TMTC1: variants seen among roughly 807,000 people sequenced by gnomAD.
TMTC1 encodes protein O-mannosyl-transferase TMTC1.
A neutral mutation model predicts 104.8 loss-of-function variants in TMTC1; 73 were observed. The observed-to-expected ratio is 0.70, with a 90% confidence interval of 0.58 to 0.85. TMTC1 has a LOEUF of 0.85. TMTC1 is among the 40% of genes least tolerant of loss of function. The probability of loss-of-function intolerance (pLI) is 0.00; values close to 1 mark genes in which losing one functional copy is unlikely to be tolerated. For missense variants in TMTC1, 1,035 were observed against 1,096.1 expected, an observed-to-expected ratio of 0.94 and a Z score of 0.79; for synonymous variants, 434 against 428.7, an observed-to-expected ratio of 1.01 and a Z score of -0.15.
At chr12:29,687,909 C>A (rs1338876188) in intron 5 of TMTC1, among the ~76,000 whole-genome samples, 1 of 152,206 alleles carries the variant, frequency 6.6e-6, no homozygotes, top group Non-Finnish European at 1.5e-5. Flanking sequence ...CCCACCCTTA[C>A]AACTTCACTT....
At chr12:29,737,075 G>T (rs184208624) in intron 5 of TMTC1, among the ~76,000 whole-genome samples, 14 of 152,380 alleles carry the variant, frequency 9.2e-5, no homozygotes, top group African/African-American at 3.1e-4. Flanking sequence ...CAGATGAAAT[G>T]TGACACGTCG....
intron 5 of TMTC1, among the ~76,000 whole-genome samples, chr12:29,699,944 C>T (rs914616890): frequency 6.6e-6 from 1 of 152,084 alleles, no homozygotes; most frequent in Non-Finnish European, 1.5e-5. Flanking sequence ...GCCTTGCCAT[C>T]ATCTGGTAGC....
intron 5 of TMTC1, among the ~76,000 whole-genome samples, chr12:29,690,138 A>G (rs898253826): frequency 6.6e-6 from 1 of 152,244 alleles, no homozygotes; most frequent in African/African-American, 2.4e-5. Context: ...ACACAAAAAA[A>G]CTGACTCATC....
rs185372525 is a variant in TMTC1 at position 29,666,455 on chromosome 12, G to A, written c.939-33119C>T. 1.3e-4 allele frequency among the ~76,000 whole-genome samples: 19 copies of A among 151,646 alleles called. No individual in the cohort carries two copies. In the East Asian group the frequency reaches 3.3e-3, roughly 26 times the overall value. ...TCACTGTGTTAGCCAGGATGGTCTCGATCTCCTGACCTCGTGATCCACCCG... is the reference window on the plus strand; with the variant it reads ...TCACTGTGTTAGCCAGGATGGTCTCAATCTCCTGACCTCGTGATCCACCCG... On this transcript the variant is annotated intron_variant, in intron 5 of 17. Coordinates refer to ENST00000539277, the MANE Select transcript of TMTC1 (RefSeq NM_001193451.2).
At chr12:29,566,993 G>A (rs1945533733) in intron 9 of TMTC1, among the ~76,000 whole-genome samples, 1 of 152,222 alleles carries the variant, frequency 6.6e-6, no homozygotes, top group African/African-American at 2.4e-5. Flanking sequence ...CAGCCTCAGG[G>A]AGTTGCCTCC....
chr12:29,714,192 T>C (rs1007540843), intron 5 of TMTC1, among the ~76,000 whole-genome samples: 2 of 152,224 alleles, frequency 1.3e-5, no homozygotes, highest in Admixed American at 1.3e-4. Flanking sequence ...GACAATAGTT[T>C]GTCAGCAAAA....
At chr12:29,546,416 G>A (rs148787737) in intron 10 of TMTC1, among the ~76,000 whole-genome samples, 4 of 152,258 alleles carry the variant, frequency 2.6e-5, no homozygotes, top group African/African-American at 9.6e-5. Flanking sequence ...ATGGGAGGGA[G>A]GTTGGCAGAA....
At chr12:29,583,136 T>A (rs1271675427) in intron 8 of TMTC1, among the ~76,000 whole-genome samples, 3 of 152,204 alleles carry the variant, frequency 2.0e-5, no homozygotes, top group African/African-American at 7.2e-5. Context: ...TCATTAAAAC[T>A]GTTTCCATCT....
At chr12:29,626,899 G>A (rs1007036541) in intron 6 of TMTC1, among the ~76,000 whole-genome samples, 6 of 152,060 alleles carry the variant, frequency 3.9e-5, no homozygotes, top group African/African-American at 1.4e-4. Flanking sequence ...TCTGGAGTTC[G>A]AGACCAGCCT....
At chr12:29,629,147 G>A (rs1229603184) in intron 6 of TMTC1, among the ~76,000 whole-genome samples, 4 of 151,626 alleles carry the variant, frequency 2.6e-5, no homozygotes, top group Middle Eastern at 6.8e-3. Flanking sequence ...GTGAAACCCC[G>A]TCTCTACTAA....
At chr12:29,562,760 A>G (rs1383051050) in intron 9 of TMTC1, among the ~76,000 whole-genome samples, 2 of 152,202 alleles carry the variant, frequency 1.3e-5, no homozygotes, top group Non-Finnish European at 2.9e-5. Context: ...TTCTACATGA[A>G]CAAATGAGAT....
intron 5 of TMTC1, among the ~76,000 whole-genome samples, chr12:29,671,779 T>C (rs1196212650): frequency 6.6e-6 from 1 of 152,200 alleles, no homozygotes; most frequent in East Asian, 1.9e-4. Context: ...GAGGGGTGCA[T>C]GTGATCAAGT....
Position 29,599,901 on chromosome 12 carries a change from CATGTGTATATAT to C in TMTC1, c.1250+4265_1250+4276del, listed in dbSNP as rs1287932691. Among the ~76,000 whole-genome samples, 1,067 of 138,916 alleles carry C rather than the reference CATGTGTATATAT, an allele frequency of 7.7e-3. 21 individuals are homozygous for C. The highest frequency in any genetic ancestry group is 0.028 in the African/African-American group (938 of 33,586). The allele number at this position is 138,916 out of a possible 152,430, so 91.1% of individuals were successfully genotyped here. On this transcript the variant is annotated intron_variant, in intron 7 of 17. Coordinates refer to ENST00000539277, the MANE Select transcript of TMTC1 (RefSeq NM_001193451.2). ...TACACCATATATATGTGTATATATA[CATGTGTATATAT>C]ATGTGTATATATATGTGTATATATA...
At chr12:29,768,842 GA>G (rs1337770565) in intron 1 of TMTC1, among the ~76,000 whole-genome samples, 5 of 152,224 alleles carry the variant, frequency 3.3e-5, no homozygotes, top group African/African-American at 1.2e-4. Flanking sequence ...ATACTTTCAT[GA>G]GACAGAAATG....
At chr12:29,575,904 C>CTT (rs760409238) in intron 8 of TMTC1, among the ~76,000 whole-genome samples, 1 of 152,162 alleles carries the variant, frequency 6.6e-6, no homozygotes, top group Admixed American at 6.5e-5. Context: ...CACTCCAACA[C>CTT]TTGTTATCTC....
In TMTC1 at chr12:29,545,676, C is replaced by CACACACACACACACACAG. The variant is rs1555167547; in HGVS notation, c.1677-9360_1677-9359insCTGTGTGTGTGTGTGTGT. On this transcript the variant is annotated intron_variant, in intron 10 of 17. Coordinates refer to ENST00000539277, the MANE Select transcript of TMTC1 (RefSeq NM_001193451.2). Reference sequence around the variant, plus strand: ...ACACACACACACACACACACACACACGGATAGAAACTAAGCCTCAGCAAAG... The same window carrying CACACACACACACACACAG: ...ACACACACACACACACACACACACACACACACACACACACACAGGGATAGAAACTAAGCCTCAGCAAAG... Among the ~76,000 whole-genome samples the CACACACACACACACACAG allele has an allele frequency of 5.1e-3, 706 of 137,926 alleles. 35 individuals are homozygous for CACACACACACACACACAG. The highest frequency in any genetic ancestry group is 0.014 in the African/African-American group (494 of 35,636). 90.5% of individuals were successfully genotyped at this position (137,926 alleles called of 152,430 possible).
At chr12:29,633,416 T>G (rs566203619) in intron 5 of TMTC1, 80 bp from the exon 6 acceptor site, 1 of 1,188,258 alleles carries the variant, frequency 8.4e-7, no homozygotes, top group African/African-American at 1.5e-5. Context: ...ATATTTTTAT[T>G]AAATAGCATT....
At chr12:29,776,901 G>C (rs1943722177) in intron 1 of TMTC1, among the ~76,000 whole-genome samples, 1 of 152,160 alleles carries the variant, frequency 6.6e-6, no homozygotes. Context: ...GGTAGCAGTG[G>C]GTTTGGCCTG....
At chr12:29,782,193 A>T (rs1427782492) in intron 1 of TMTC1, among the ~76,000 whole-genome samples, 1 of 152,270 alleles carries the variant, frequency 6.6e-6, no homozygotes, top group Non-Finnish European at 1.5e-5. Flanking sequence ...GAAAACGAGA[A>T]CAACTTTCTA....
Sources: gnomAD v4.1 joint callset for allele counts (sites outside exome capture counted in the v4.1 genomes callset) on GRCh38, gnomAD v4.1.1 for gene constraint, MANE v1.5 for transcripts, NCBI Gene and HGNC (gene_info 2026-07-23, HGNC 2026-07-21) for gene names.